ADAMTS6: variants seen among roughly 807,000 people sequenced by gnomAD.
ADAMTS6 encodes A disintegrin and metalloproteinase with thrombospondin motifs 6.
ADAMTS6 carries 23 observed loss-of-function variants against 144.3 expected under a neutral mutation model. The ratio of observed to expected loss-of-function variants is 0.16; its 90% CI spans 0.11 to 0.23. The LOEUF is 0.23. Ranked by LOEUF, ADAMTS6 falls within the 10% of genes least tolerant of loss-of-function variation. The pLI, the probability that ADAMTS6 is intolerant of heterozygous loss-of-function variation, is 1.00. For synonymous variants in ADAMTS6, 444 were observed against 457.5 expected, an observed-to-expected ratio of 0.97 and a Z score of 0.38; for missense variants, 999 against 1,379.6, an observed-to-expected ratio of 0.72 and a Z score of 4.37.
intron 9 of ADAMTS6, among the ~76,000 whole-genome samples, chr5:65,314,220 T>C (rs1214936534): frequency 6.6e-6 from 1 of 152,146 alleles, no homozygotes; most frequent in Non-Finnish European, 1.5e-5. Flanking sequence ...AAATGATGAA[T>C]GTCTGAACAT....
At chr5:65,452,324 A>G (rs1758815876) in intron 5 of ADAMTS6, 108 bp from the exon 6 acceptor site, 2 of 859,866 alleles carry the variant, frequency 2.3e-6, no homozygotes, top group East Asian at 2.6e-5. Flanking sequence ...GCCATTGTAT[A>G]CATTACCCCA....
intron 9 of ADAMTS6, among the ~76,000 whole-genome samples, chr5:65,314,369 A>G (rs1744787952): frequency 6.6e-6 from 1 of 152,030 alleles, no homozygotes; most frequent in African/African-American, 2.4e-5. Context: ...CCCACACCCC[A>G]GAATACACCA....
chr5:65,342,989 C>T (rs34223022), intron 7 of ADAMTS6, among the ~76,000 whole-genome samples: 17,261 of 151,764 alleles, frequency 0.11, 1,056 homozygotes, highest in African/African-American at 0.16. Context: ...TAAATTTAAC[C>T]GAGGAGGTGA....
intron 21 of ADAMTS6, among the ~76,000 whole-genome samples, chr5:65,190,297 AT>A (rs1353184646): frequency 7.9e-5 from 12 of 152,258 alleles, no homozygotes. Flanking sequence ...TCCAAGGGAG[AT>A]TTAAAGTAAT....
At chr5:65,375,276 A>C (rs1371677943) in intron 7 of ADAMTS6, among the ~76,000 whole-genome samples, 3 of 152,166 alleles carry the variant, frequency 2.0e-5, no homozygotes, top group Non-Finnish European at 4.4e-5. Flanking sequence ...TAATTAAACT[A>C]AAGAGCTTCT....
intron 20 of ADAMTS6, among the ~76,000 whole-genome samples, chr5:65,212,495 GA>G (rs1383915453): frequency 2.1e-5 from 3 of 143,496 alleles, no homozygotes; most frequent in Non-Finnish European, 3.0e-5. Flanking sequence ...AAGTGTTATG[GA>G]AAAAAATAAC....
intron 3 of ADAMTS6, 79 bp from the exon 4 acceptor site, chr5:65,460,417 G>A: frequency 1.5e-6 from 2 of 1,304,732 alleles, no homozygotes; most frequent in South Asian, 1.5e-5. Context: ...AGAGCTAAAA[G>A]TAAATGGACA....
intron 7 of ADAMTS6, among the ~76,000 whole-genome samples, chr5:65,443,054 C>A (rs956568376): frequency 5.3e-5 from 8 of 152,058 alleles, no homozygotes; most frequent in African/African-American, 1.9e-4. Context: ...GTATAGGTAC[C>A]ACATTTTCTT....
intron 20 of ADAMTS6, among the ~76,000 whole-genome samples, chr5:65,211,526 C>T (rs914394170): frequency 4.0e-5 from 6 of 151,474 alleles, no homozygotes; most frequent in African/African-American, 7.3e-5. Flanking sequence ...CACTTAAACC[C>T]GGGAGGCAGA....
At chr5:65,159,545 G>A (rs1013207544) in intron 24 of ADAMTS6, among the ~76,000 whole-genome samples, 11 of 152,102 alleles carry the variant, frequency 7.2e-5, no homozygotes, top group Admixed American at 2.6e-4. Flanking sequence ...ATGTCTTCTG[G>A]GTAAACTGTT....
intron 20 of ADAMTS6, chr5:65,198,444 A>G (rs1755526736): frequency 6.0e-6 from 1 of 166,998 alleles, no homozygotes; most frequent in African/African-American, 2.4e-5. Context: ...CTAAAGAGCT[A>G]CACACCAAAT....
intron 18 of ADAMTS6, among the ~76,000 whole-genome samples, chr5:65,217,243 T>C (rs531236337): frequency 5.9e-5 from 9 of 152,342 alleles, no homozygotes; most frequent in African/African-American, 2.2e-4. Flanking sequence ...TCACTTGCAG[T>C]GGTTTTCTGT....
intron 7 of ADAMTS6, among the ~76,000 whole-genome samples, chr5:65,352,083 T>C (rs1748904379): frequency 6.6e-6 from 1 of 151,354 alleles, no homozygotes; most frequent in Admixed American, 6.7e-5. Flanking sequence ...CTATGCTCCA[T>C]CTGAACAACG....
intron 14 of ADAMTS6, among the ~76,000 whole-genome samples, chr5:65,258,659 C>G (rs1489696513): frequency 2.0e-5 from 3 of 152,118 alleles, no homozygotes; most frequent in Non-Finnish European, 4.4e-5. Flanking sequence ...CTACCATATA[C>G]TTTGAAGGCA....
At chr5:65,465,800 T>A (rs1183657033) in intron 3 of ADAMTS6, among the ~76,000 whole-genome samples, 2 of 152,210 alleles carry the variant, frequency 1.3e-5, no homozygotes, top group African/African-American at 4.8e-5. Context: ...TATTACTCTG[T>A]TCTATGTTGT....
chr5:65,276,671 A>C (rs1762571284), intron 11 of ADAMTS6, among the ~76,000 whole-genome samples: 1 of 152,212 alleles, frequency 6.6e-6, no homozygotes, highest in Non-Finnish European at 1.5e-5. Context: ...TGTCAGTTTC[A>C]TTTGCACATG....
At chr5:65,388,989 C>T (rs1391112373) in intron 7 of ADAMTS6, among the ~76,000 whole-genome samples, 1 of 152,058 alleles carries the variant, frequency 6.6e-6, no homozygotes, top group Non-Finnish European at 1.5e-5. Context: ...GGGCGGATCA[C>T]GAGGTCAGGA....
At position 65,301,332 on chromosome 5, in the gene ADAMTS6, G is replaced by A. The variant is rs77358184; in HGVS notation, c.1224-1201C>T. Among the ~76,000 whole-genome samples, 633 of 152,142 alleles carry A rather than the reference G, an allele frequency of 4.2e-3. 3 individuals are homozygous for A. Among genetic ancestry groups the A allele is most frequent in the African/African-American group, 0.014 (590 of 41,510 alleles). ...GAAAATAAATTTATGTGTCTGTTAC[G>A]ACATATATTCTAATAAGTGCACCAT... On this transcript the variant is annotated intron_variant, in intron 9 of 24. Transcript: ENST00000381055.
chr5:65,327,802 ATG>A (rs1330009081), intron 9 of ADAMTS6, among the ~76,000 whole-genome samples: 1 of 152,186 alleles, frequency 6.6e-6, no homozygotes, highest in African/African-American at 2.4e-5. Context: ...GGAATGTGAA[ATG>A]TGTGTGTTGA....
Sources: gnomAD v4.1 joint callset for allele counts (sites outside exome capture counted in the v4.1 genomes callset) on GRCh38, gnomAD v4.1.1 for gene constraint, MANE v1.5 for transcripts, NCBI Gene and HGNC (gene_info 2026-07-23, HGNC 2026-07-21) for gene names.